Variants in CA5A observed in about 807,000 individuals in gnomAD.
CA5A encodes the protein carbonic anhydrase 5A, mitochondrial.
In CA5A, 28 loss-of-function variants were observed where a neutral mutation model predicts 37.1. The ratio of observed to expected loss-of-function variants is 0.75; its 90% CI spans 0.56 to 1.03. The LOEUF (loss-of-function observed/expected upper bound fraction) is 1.03, where lower values mean the gene tolerates loss of function less well. CA5A is among the 50% of genes least tolerant of loss of function. CA5A has a pLI of 0.00. For missense variants in CA5A, 444 were observed against 399.9 expected (o/e 1.11, Z -0.94); for synonymous variants, 171 against 158.4 (o/e 1.08, Z -0.60).
At chr16:87,918,552 G>A (rs1474503155) in intron 2 of CA5A, among the ~76,000 whole-genome samples, 4 of 152,204 alleles carry the variant, frequency 2.6e-5, no homozygotes, top group African/African-American at 7.2e-5. Context: ...CAGTGTCCAC[G>A]CCGACGGAAA....
chr16:87,920,910 C>T (rs1309628853), intron 2 of CA5A, among the ~76,000 whole-genome samples: 5 of 152,192 alleles, frequency 3.3e-5, no homozygotes, highest in Non-Finnish European at 7.3e-5. Flanking sequence ...TTTCCTGCCT[C>T]AGCCTTCCAA....
At chr16:87,917,637 G>A (rs7499048) in intron 2 of CA5A, among the ~76,000 whole-genome samples, 99,251 of 150,620 alleles carry the variant, frequency 0.66, 34,004 homozygotes, top group African/African-American at 0.85. Context: ...ACACATGTGC[G>A]CACACACATG....
At chr16:87,919,241 C>T (rs942788520) in intron 2 of CA5A, among the ~76,000 whole-genome samples, 13 of 152,212 alleles carry the variant, frequency 8.5e-5, no homozygotes, top group African/African-American at 3.1e-4. Flanking sequence ...AGCTCGGGGT[C>T]CATGGCCAGG....
intron 3 of CA5A, among the ~76,000 whole-genome samples, chr16:87,904,580 TGAGA>T (rs1251130853): frequency 6.6e-6 from 1 of 152,098 alleles, no homozygotes; most frequent in Non-Finnish European, 1.5e-5. Flanking sequence ...TTCCGTTAAA[TGAGA>T]GAGAACTTAC....
Position 87,891,953 on chromosome 16 carries a change from T to A in CA5A, c.620A>T (p.Asp207Val). ...VDILPEIKHK[D>V]ARAAMRPFDP... ...GAAGGGGCGCATGGCCGCCCGCGCG[T>A]CCTGAGAGACCGAGAAGCACAGGAC... The change falls in exon 6 of 7, where the codon GAC becomes GTC. Residue 207 changes from aspartate (D) to valine (V), a missense_variant and splice_region_variant. Physicochemically the swap from Asp to Val is radical, Grantham distance 152. Transcript: ENST00000649794. 3 of 1,533,358 alleles carry A rather than the reference T, an allele frequency of 2.0e-6. No homozygotes were observed. The highest frequency in any genetic ancestry group is 1.8e-6 in the Non-Finnish European group (2 of 1,141,250). 95.0% of individuals were successfully genotyped at this position (1,533,358 alleles called of 1,614,324 possible).
At chr16:87,918,391 C>T (rs932834380) in intron 2 of CA5A, among the ~76,000 whole-genome samples, 14 of 152,048 alleles carry the variant, frequency 9.2e-5, no homozygotes, top group African/African-American at 3.4e-4. Flanking sequence ...TCCCTCCTCC[C>T]CCCGCTTTGC....
intron 2 of CA5A, among the ~76,000 whole-genome samples, chr16:87,917,999 G>A (rs2056178273): frequency 6.6e-6 from 1 of 152,190 alleles, no homozygotes; most frequent in Non-Finnish European, 1.5e-5. Context: ...TCCCGACACT[G>A]CCAGGATTCC....
intron 1 of CA5A, among the ~76,000 whole-genome samples, chr16:87,935,428 G>C (rs999339127): frequency 2.0e-4 from 31 of 152,346 alleles, no homozygotes; most frequent in African/African-American, 7.0e-4. Flanking sequence ...GATCGTGACT[G>C]GTTAGTGCAG....
chr16:87,904,257 G>A (rs371031469), intron 3 of CA5A, among the ~76,000 whole-genome samples: 14 of 151,882 alleles, frequency 9.2e-5, no homozygotes, highest in East Asian at 1.9e-4. Context: ...CAGGAGAATC[G>A]CTTGAGCCTG....
intron 2 of CA5A, among the ~76,000 whole-genome samples, chr16:87,917,858 C>T (rs1403498805): frequency 6.7e-6 from 1 of 149,884 alleles, no homozygotes; most frequent in African/African-American, 2.5e-5. Context: ...CACATGTAGT[C>T]GCTTTAGGAA....
Position 87,902,629 on chromosome 16 carries a change from A to G in CA5A, c.460-109T>C. 3 of 698,062 alleles carry G rather than the reference A, an allele frequency of 4.3e-6. No individual in the cohort carries two copies. The South Asian group carries it at 4.8e-5, about 11-fold the overall frequency. 43.2% of individuals were successfully genotyped at this position (698,062 alleles called of 1,614,324 possible). On this transcript the variant is annotated intron_variant, in intron 3 of 6. Transcript: ENST00000649794. ...TCCACTTAATCATAATGAAATGGCC[A>G]GGCGCGGTGGCTCACACCTGTAATC...
chr16:87,903,941 G>A (rs1266730304), intron 3 of CA5A, among the ~76,000 whole-genome samples: 1 of 152,008 alleles, frequency 6.6e-6, no homozygotes, highest in African/African-American at 2.4e-5. Flanking sequence ...AATCTATAAG[G>A]CATCACTTAT....
intron 3 of CA5A, among the ~76,000 whole-genome samples, chr16:87,903,199 G>A (rs1277620080): frequency 2.6e-5 from 4 of 152,184 alleles, no homozygotes; most frequent in East Asian, 1.9e-4. Context: ...CTGGGAGGCC[G>A]AGGTGGGTGG....
chr16:87,896,113 G>A (rs2055798693), intron 5 of CA5A, among the ~76,000 whole-genome samples: 1 of 152,196 alleles, frequency 6.6e-6, no homozygotes, highest in Non-Finnish European at 1.5e-5. Context: ...AACCCTTTGA[G>A]AAGTATTTCT....
At chr16:87,929,313 G>T (rs201736950) in intron 1 of CA5A, among the ~76,000 whole-genome samples, 1 of 151,358 alleles carries the variant, frequency 6.6e-6, no homozygotes, top group East Asian at 2.0e-4. Flanking sequence ...TTAGCCAGGC[G>T]TGGTGGCTCA....
intron 5 of CA5A, 184 bp from the exon 6 acceptor site, chr16:87,892,138 C>T: frequency 8.1e-6 from 4 of 493,286 alleles, no homozygotes; most frequent in Non-Finnish European, 1.4e-5. Context: ...CTATACAGAG[C>T]AAGGATTCCT....
chr16:87,884,961 C>A (rs1160789070), downstream of CA5A: 1 of 151,958 alleles, frequency 6.6e-6, no homozygotes, highest in Non-Finnish European at 1.5e-5. Flanking sequence ...GTCGGGAGAT[C>A]GAGACCAGCC....
Position 87,892,551 on chromosome 16 carries a change from AT to A in CA5A, c.619-598del, listed in dbSNP as rs754393637. ...AATAATAATAATAATAATAATAATA[AT>A]AATAAATTAATTAATAATAAAAATA... is the stretch of plus-strand genomic sequence containing the variant. On this transcript the variant is annotated intron_variant, in intron 5 of 6. Transcript: ENST00000649794. Among the ~76,000 whole-genome samples, 6 of 134,822 alleles carry A rather than the reference AT, an allele frequency of 4.5e-5. No individual in the cohort carries two copies. The East Asian group carries it at 6.1e-4, about 14-fold the overall frequency. 88.4% of individuals were successfully genotyped at this position (134,822 alleles called of 152,430 possible).
intron 2 of CA5A, among the ~76,000 whole-genome samples, chr16:87,913,815 G>T (rs1221474728): frequency 6.6e-6 from 1 of 152,202 alleles, no homozygotes; most frequent in Non-Finnish European, 1.5e-5. Context: ...AGCCTTGCAG[G>T]CTCGCTGAGT....
Sources: gnomAD v4.1 joint callset for allele counts (sites outside exome capture counted in the v4.1 genomes callset) on GRCh38, gnomAD v4.1.1 for gene constraint, MANE v1.5 for transcripts, NCBI Gene and HGNC (gene_info 2026-07-23, HGNC 2026-07-21) for gene names.